Variants in DCC observed in about 807,000 individuals in gnomAD.
DCC encodes netrin receptor DCC.
Under a neutral mutation model 172.5 loss-of-function variants are expected in DCC, and 58 were observed. The observed-to-expected ratio is 0.34, with a 90% CI of 0.27 to 0.42. The LOEUF (loss-of-function observed/expected upper bound fraction) is 0.42, where lower values mean the gene tolerates loss of function less well. Among genes scored for constraint, DCC ranks in the 10% least tolerant of loss-of-function variants. The pLI is 1.00. For synonymous variants in DCC, 709 were observed against 644.5 expected (o/e 1.10, Z -1.52); for missense variants, 1,740 against 1,791.0 (o/e 0.97, Z 0.51).
At chr18:53,400,847 G>A (rs1909253394) in intron 18 of DCC, among the ~76,000 whole-genome samples, 1 of 152,084 alleles carries the variant, frequency 6.6e-6, no homozygotes. Flanking sequence ...CAGATTCAGT[G>A]AAGCAATCTA....
intron 5 of DCC, among the ~76,000 whole-genome samples, chr18:53,006,224 T>A (rs1200791982): frequency 1.3e-5 from 2 of 152,188 alleles, no homozygotes; most frequent in African/African-American, 4.8e-5. Context: ...ACAAATAGAA[T>A]TTATCTTCTG....
chr18:53,255,438 T>C (rs1424458034), intron 12 of DCC, among the ~76,000 whole-genome samples: 1 of 145,724 alleles, frequency 6.9e-6, no homozygotes, highest in Non-Finnish European at 1.5e-5. Flanking sequence ...ATTGTTCACT[T>C]CCCACCTATC....
At position 53,435,170 on chromosome 18, in the gene DCC, C is replaced by A; in HGVS notation, c.3190C>A (p.Pro1064Thr). 1.2e-6 allele frequency: 2 copies of A among 1,610,376 alleles called. No individual in the cohort carries two copies. The highest frequency in any genetic ancestry group is 1.1e-5 in the South Asian group (1 of 91,002). The change falls in exon 22 of 29, where the codon CCA becomes ACA. Residue 1064 changes from proline (P) to threonine (T), a missense_variant. Around this residue, in one of 2 missense-constraint regions of DCC, gnomAD observed 1,732 missense variants for 1,767.4 expected, o/e 0.98. Transcript: ENST00000442544. The stretch of plus-strand genomic sequence containing the variant: ...TCGTCATGGAGATGGAGGTTATTGG[C>A]CAGTTGATACTAATTTGATTGATAG... ...QGRHGDGGYW[P>T]VDTNLIDRST...
chr18:53,229,000 C>T (rs1234814844), intron 12 of DCC, among the ~76,000 whole-genome samples: 3 of 152,088 alleles, frequency 2.0e-5, no homozygotes, highest in Admixed American at 6.6e-5. Flanking sequence ...TGTATTTTCT[C>T]TGAGTATAAT....
intron 19 of DCC, among the ~76,000 whole-genome samples, chr18:53,403,987 G>A (rs951224161): frequency 1.3e-5 from 2 of 152,132 alleles, no homozygotes; most frequent in African/African-American, 4.8e-5. Context: ...AAAGAAGTGA[G>A]GCACAAAATT....
At chr18:52,858,165 C>T (rs150006965) in intron 2 of DCC, among the ~76,000 whole-genome samples, 2 of 152,316 alleles carry the variant, frequency 1.3e-5, no homozygotes, top group East Asian at 3.9e-4. Flanking sequence ...CACTTTCAGT[C>T]TTTCTGAAGA....
chr18:53,351,673 A>C (rs2057815257), intron 15 of DCC, among the ~76,000 whole-genome samples: 1 of 150,996 alleles, frequency 6.6e-6, no homozygotes, highest in Non-Finnish European at 1.5e-5. Flanking sequence ...TCATTCTACC[A>C]ACATTAAATT....
chr18:53,162,624 C>A (rs1361966762), intron 8 of DCC, among the ~76,000 whole-genome samples: 4 of 152,178 alleles, frequency 2.6e-5, no homozygotes, highest in South Asian at 4.1e-4. Context: ...CTATTGAGAT[C>A]TTTGCGCTTG....
chr18:52,362,782 C>A (rs533689246), intron 1 of DCC, among the ~76,000 whole-genome samples: 3 of 137,246 alleles, frequency 2.2e-5, no homozygotes, highest in East Asian at 2.3e-4. Context: ...TTCTTTTAGC[C>A]CCCCCCACTC....
intron 22 of DCC, among the ~76,000 whole-genome samples, chr18:53,445,185 C>T (rs967432788): frequency 6.6e-6 from 1 of 152,104 alleles, no homozygotes; most frequent in African/African-American, 2.4e-5. Context: ...TTGATTACAG[C>T]ATCTTATTTC....
chr18:52,568,905 TA>T (rs1397444760), intron 1 of DCC, among the ~76,000 whole-genome samples: 2 of 152,200 alleles, frequency 1.3e-5, no homozygotes, highest in Non-Finnish European at 2.9e-5. Flanking sequence ...TTACACTAAT[TA>T]TGGGATTGTC....
chr18:52,544,234 T>A (rs1441644649), intron 1 of DCC, among the ~76,000 whole-genome samples: 1 of 152,204 alleles, frequency 6.6e-6, no homozygotes, highest in Non-Finnish European at 1.5e-5. Context: ...TTATTCCGTT[T>A]GAACCATCTG....
chr18:52,641,733 T>A (rs1287901189), intron 1 of DCC, among the ~76,000 whole-genome samples: 2 of 151,804 alleles, frequency 1.3e-5, no homozygotes, highest in Non-Finnish European at 1.5e-5. Context: ...GTGGTGTGGA[T>A]GTGGTGAACG....
intron 1 of DCC, among the ~76,000 whole-genome samples, chr18:52,720,240 G>A: frequency 6.6e-6 from 1 of 152,120 alleles, no homozygotes; most frequent in Non-Finnish European, 1.5e-5. Context: ...ATATGGAATT[G>A]ACTTTCAAAA....
chr18:53,285,582 A>G (rs1026513055), intron 12 of DCC, among the ~76,000 whole-genome samples: 1 of 152,242 alleles, frequency 6.6e-6, no homozygotes, highest in Non-Finnish European at 1.5e-5. Context: ...AACCTCTGCT[A>G]GGGCAGTGCA....
chr18:52,582,202 C>A (rs2033565185), intron 1 of DCC, among the ~76,000 whole-genome samples: 1 of 152,170 alleles, frequency 6.6e-6, no homozygotes, highest in African/African-American at 2.4e-5. Flanking sequence ...CCCCCATGCA[C>A]AAATTTGCAC....
At chr18:53,481,959 A>G (rs553897907) in intron 25 of DCC, among the ~76,000 whole-genome samples, 105 of 152,272 alleles carry the variant, frequency 6.9e-4, no homozygotes, top group Non-Finnish European at 1.1e-3. Context: ...GCCGCAGAGC[A>G]GAGATTTATT....
At chr18:53,291,344 T>A (rs2057002867) in intron 12 of DCC, among the ~76,000 whole-genome samples, 1 of 152,138 alleles carries the variant, frequency 6.6e-6, no homozygotes, top group South Asian at 2.1e-4. Flanking sequence ...GCGATCTCAG[T>A]GGTTATTCTT....
At chr18:53,284,042 T>C (rs1310616176) in intron 12 of DCC, among the ~76,000 whole-genome samples, 1 of 152,218 alleles carries the variant, frequency 6.6e-6, no homozygotes, top group Non-Finnish European at 1.5e-5. Context: ...TAAATTATTA[T>C]TTTTCAAGAC....
Sources: allele counts gnomAD v4.1 joint callset (sites outside exome capture counted in the v4.1 genomes callset), GRCh38; gene constraint gnomAD v4.1.1; regional missense constraint gnomAD v4.1.1; transcripts MANE v1.5; gene names NCBI Gene and HGNC (gene_info 2026-07-23, HGNC 2026-07-21).